CDH13: variants seen among roughly 807,000 people sequenced by gnomAD.
CDH13 encodes the protein cadherin-13.
In CDH13, 24 loss-of-function variants were observed where a neutral mutation model predicts 63.8. The observed-to-expected ratio is 0.38, with a 90% CI of 0.27 to 0.53. The LOEUF (loss-of-function observed/expected upper bound fraction) is 0.53. Among genes scored for constraint, CDH13 ranks in the 20% least tolerant of loss-of-function variants. The probability of loss-of-function intolerance (pLI) is 0.85; values close to 1 mark genes in which losing one functional copy is unlikely to be tolerated. For missense variants in CDH13, 1,049 were observed against 903.1 expected (o/e 1.16, Z -2.07); for synonymous variants, 503 against 355.3 (o/e 1.42, Z -4.67).
intron 2 of CDH13, among the ~76,000 whole-genome samples, chr16:82,877,022 TA>T (rs1369010945): frequency 6.6e-6 from 1 of 152,230 alleles, no homozygotes; most frequent in Non-Finnish European, 1.5e-5. Context: ...TAACTGGTGT[TA>T]AAACAAGACT....
chr16:83,264,439 A>C (rs1313801985), intron 5 of CDH13, among the ~76,000 whole-genome samples: 1 of 151,974 alleles, frequency 6.6e-6, no homozygotes, highest in Non-Finnish European at 1.5e-5. Context: ...ATATATACTT[A>C]TATGTGGATA....
chr16:83,621,001 G>A (rs1041632270), intron 8 of CDH13, among the ~76,000 whole-genome samples: 5 of 152,084 alleles, frequency 3.3e-5, no homozygotes, highest in African/African-American at 1.2e-4. Context: ...TGCTTTGTAC[G>A]CAGCAGGGTC....
chr16:82,926,962 C>T (rs1270704546), intron 2 of CDH13, among the ~76,000 whole-genome samples: 1 of 152,046 alleles, frequency 6.6e-6, no homozygotes, highest in African/African-American at 2.4e-5. Flanking sequence ...TTTGTGAGGG[C>T]TCAATGGGGA....
intron 2 of CDH13, among the ~76,000 whole-genome samples, chr16:82,958,598 G>A (rs1248044842): frequency 1.3e-5 from 2 of 152,224 alleles, no homozygotes; most frequent in Admixed American, 1.3e-4. Context: ...AATTTGAGTG[G>A]TCAAGGGATT....
chr16:83,233,835 T>C (rs1206840896), intron 5 of CDH13, among the ~76,000 whole-genome samples: 1 of 152,206 alleles, frequency 6.6e-6, no homozygotes, highest in African/African-American at 2.4e-5. Flanking sequence ...AGTCAAAGTT[T>C]CCAGACATTA....
chr16:83,059,662 G>A (rs2031315962), intron 3 of CDH13, among the ~76,000 whole-genome samples: 1 of 152,228 alleles, frequency 6.6e-6, no homozygotes. Context: ...AGGCTAGCAG[G>A]CTGACTTTCT....
At chr16:83,394,499 A>G (rs759031613) in intron 6 of CDH13, among the ~76,000 whole-genome samples, 3 of 152,180 alleles carry the variant, frequency 2.0e-5, no homozygotes, top group Non-Finnish European at 4.4e-5. Context: ...TGTGGGATGG[A>G]TGAAATAAAG....
intron 2 of CDH13, among the ~76,000 whole-genome samples, chr16:82,941,431 T>C (rs573987503): frequency 6.6e-6 from 1 of 152,336 alleles, no homozygotes; most frequent in African/African-American, 2.4e-5. Flanking sequence ...GGTCCCCTCC[T>C]AGCTCTAAGA....
chr16:83,480,190 C>T (rs575487062), intron 6 of CDH13, among the ~76,000 whole-genome samples: 4 of 152,280 alleles, frequency 2.6e-5, no homozygotes, highest in East Asian at 1.9e-4. Flanking sequence ...GTGGTGCGCA[C>T]CTATAGTCCC....
At chr16:82,974,559 G>A (rs1273423373) in intron 2 of CDH13, among the ~76,000 whole-genome samples, 1 of 152,090 alleles carries the variant, frequency 6.6e-6, no homozygotes, top group Non-Finnish European at 1.5e-5. Context: ...TGTGACCTTG[G>A]GTGGCAAAAG....
intron 8 of CDH13, among the ~76,000 whole-genome samples, chr16:83,631,104 G>A (rs984892127): frequency 6.6e-6 from 1 of 152,204 alleles, no homozygotes; most frequent in African/African-American, 2.4e-5. Context: ...TTGCTGGCAT[G>A]GTTCTAGTGA....
At chr16:83,025,220 C>G (rs992103785) in intron 2 of CDH13, among the ~76,000 whole-genome samples, 1 of 152,118 alleles carries the variant, frequency 6.6e-6, no homozygotes, top group Non-Finnish European at 1.5e-5. Context: ...ATTATAGTAC[C>G]TTTCAGGAGG....
intron 4 of CDH13, among the ~76,000 whole-genome samples, chr16:83,216,174 G>C (rs2039502117): frequency 6.6e-6 from 1 of 151,556 alleles, no homozygotes; most frequent in African/African-American, 2.4e-5. Flanking sequence ...TTCTTCAAAT[G>C]TCAAATCAAG....
chr16:83,146,251 A>G (rs973777176), intron 4 of CDH13, among the ~76,000 whole-genome samples: 4 of 152,058 alleles, frequency 2.6e-5, no homozygotes, highest in Non-Finnish European at 4.4e-5. Context: ...GGAAGAAAGG[A>G]AAGAAGAATG....
intron 1 of CDH13, among the ~76,000 whole-genome samples, chr16:82,763,644 T>C (rs1221947765): frequency 6.6e-6 from 1 of 152,240 alleles, no homozygotes; most frequent in African/African-American, 2.4e-5. Flanking sequence ...GTCTTTTCAA[T>C]AGATATATAA....
intron 3 of CDH13, among the ~76,000 whole-genome samples, chr16:83,074,929 G>C (rs1276143660): frequency 6.6e-6 from 1 of 152,112 alleles, no homozygotes; most frequent in African/African-American, 2.4e-5. Flanking sequence ...TTATAATGAG[G>C]CTCACTTCTG....
chr16:83,419,294 A>G (rs1394000562), intron 6 of CDH13, among the ~76,000 whole-genome samples: 3 of 152,182 alleles, frequency 2.0e-5, no homozygotes, highest in Non-Finnish European at 4.4e-5. Context: ...TCTTCCACCC[A>G]TACAAGGTAT....
At chr16:83,237,041 G>A (rs1417624096) in intron 5 of CDH13, among the ~76,000 whole-genome samples, 1 of 152,144 alleles carries the variant, frequency 6.6e-6, no homozygotes, top group Non-Finnish European at 1.5e-5. Flanking sequence ...AGGACCAGGA[G>A]GAAGAGGGTG....
intron 7 of CDH13, among the ~76,000 whole-genome samples, chr16:83,520,581 A>G (rs950667782): frequency 3.3e-5 from 5 of 152,086 alleles, no homozygotes; most frequent in African/African-American, 1.2e-4. Context: ...GATCCACTCT[A>G]TGGTTGGCCT....
Sources: allele counts gnomAD v4.1 joint callset (sites outside exome capture counted in the v4.1 genomes callset), GRCh38; gene constraint gnomAD v4.1.1; transcripts MANE v1.5; gene names NCBI Gene and HGNC (gene_info 2026-07-23, HGNC 2026-07-21).